Variants in HMGCS1 observed in about 807,000 individuals in gnomAD.
HMGCS1 encodes 3-hydroxy-3-methylglutaryl-CoA synthase 1.
HMGCS1 carries 9 observed loss-of-function variants against 52.3 expected under a neutral mutation model. That is an observed-to-expected ratio of 0.17 (90% CI 0.10 to 0.30). HMGCS1 has a LOEUF of 0.30. HMGCS1 is among the 10% of genes least tolerant of loss of function. HMGCS1 has a pLI of 1.00. For synonymous variants in HMGCS1, 176 were observed against 214.4 expected (o/e 0.82, Z 1.57); for missense variants, 320 against 620.9 (o/e 0.52, Z 5.15).
In HMGCS1 at chr5:43,294,845, C is replaced by T. The variant is rs781707708; in HGVS notation, c.922G>A (p.Asp308Asn). 13 of 1,604,126 alleles carry T rather than the reference C, an allele frequency of 8.1e-6. No homozygotes were observed. Among genetic ancestry groups the T allele is most frequent in the East Asian group, 6.7e-5 (3 of 44,672 alleles). ...LEAFGDVKLE[D>N]TYFDRDVEKA... is the part of the protein sequence containing the mutation. Reference sequence around the variant, plus strand: ...TCCACATCTCTATCAAAGTAGGTGTCTTCTAATTTAACATCCCTGAAAGAT... The same window carrying T: ...TCCACATCTCTATCAAAGTAGGTGTTTTCTAATTTAACATCCCTGAAAGAT... The change falls in exon 7 of 11, where the codon GAC becomes AAC. Residue 308 changes from aspartate to asparagine, a missense_variant. Coordinates refer to ENST00000325110, the MANE Select transcript of HMGCS1 (RefSeq NM_001098272.3).
chr5:43,291,054 AT>A lies in HMGCS1; in HGVS notation c.*76del, dbSNP rs1182349849. On this transcript the variant is annotated 3_prime_UTR_variant, in exon 11 of 11. Coordinates refer to ENST00000325110, the MANE Select transcript of HMGCS1 (RefSeq NM_001098272.3). ...TAATCCTTTAAAATTATCCCCAGATATCCCATTCCTCCAACTGTTCCCATAC... is the reference window on the plus strand; with the variant it reads ...TAATCCTTTAAAATTATCCCCAGATACCCATTCCTCCAACTGTTCCCATAC... The A allele has an allele frequency of 1.2e-6, 1 of 825,716 alleles. No homozygotes were observed. The highest frequency in any genetic ancestry group is 2.1e-6 in the Non-Finnish European group (1 of 473,274). The allele number at this position is 825,716 out of a possible 1,614,324, so 51.1% of individuals were successfully genotyped here.
chr5:43,308,897 C>T (rs531349447), intron 1 of HMGCS1, among the ~76,000 whole-genome samples: 1 of 152,116 alleles, frequency 6.6e-6, no homozygotes, highest in Non-Finnish European at 1.5e-5. Context: ...CCTACGCCCC[C>T]CTGCCCCATA....
At chr5:43,307,188 A>G (rs57091347) in intron 2 of HMGCS1, among the ~76,000 whole-genome samples, 4,460 of 150,548 alleles carry the variant, frequency 0.03, 238 homozygotes, top group African/African-American at 0.1. Flanking sequence ...CTCTTGCCTC[A>G]GCCTCCTGAG....
rs1753662715 is a variant in HMGCS1, at chr5:43,289,909, A to G, written c.*1222T>C. 1 of 117,162 alleles carries G rather than the reference A, an allele frequency of 8.5e-6. No homozygotes were observed. Among genetic ancestry groups the G allele is most frequent in the African/African-American group, 3.2e-5 (1 of 30,914 alleles). 7.3% of individuals were successfully genotyped at this position (117,162 alleles called of 1,614,324 possible). ...TTTTACAATCTATAAGGCTCATGTC[A>G]TAGTTCAGCACCAAAAAGATCTACA... On this transcript the variant is annotated 3_prime_UTR_variant, in exon 11 of 11. Coordinates refer to ENST00000325110, the MANE Select transcript of HMGCS1 (RefSeq NM_001098272.3).
At chr5:43,293,797 T>A in intron 8 of HMGCS1, 1 of 259,134 alleles carries the variant, frequency 3.9e-6, no homozygotes, top group Non-Finnish European at 7.5e-6. Context: ...CACCACAACC[T>A]CCCTCTCCTG....
chr5:43,296,926 T>C (rs957602940), intron 5 of HMGCS1, 76 bp downstream of exon 5: 2 of 1,051,054 alleles, frequency 1.9e-6, no homozygotes, highest in East Asian at 2.5e-5. Flanking sequence ...CACAAAGTAG[T>C]TGCCTACCAA....
rs1753633640 is a variant in HMGCS1 at position 43,289,383 on chromosome 5, T to C, written c.*1748A>G. 1 of 152,660 alleles carries C rather than the reference T, an allele frequency of 6.6e-6. No individual in the cohort carries two copies. Among genetic ancestry groups the C allele is most frequent in the South Asian group, 2.1e-4 (1 of 4,830 alleles). The allele number at this position is 152,660 out of a possible 1,614,324, so 9.5% of individuals were successfully genotyped here. A position where few individuals can be genotyped will look rare whatever the true frequency, so the allele number is the denominator to read the frequency against. On this transcript the variant is annotated 3_prime_UTR_variant, in exon 11 of 11. Transcript: ENST00000325110. The stretch of plus-strand genomic sequence containing the variant: ...TTGTTAGTTCAAGAGTGAAAAAGAA[T>C]ACTCAAGTATCTGAAACATTTCTCT...
At chr5:43,293,971 T>C (rs1753906911) in intron 8 of HMGCS1, 85 bp downstream of exon 8, 1 of 890,430 alleles carries the variant, frequency 1.1e-6, no homozygotes. Flanking sequence ...CGCCTCGGCC[T>C]CCCAAACTGC....
At chr5:43,295,030 A>C (rs1201388106) in intron 6 of HMGCS1, among the ~76,000 whole-genome samples, 169 bp from the exon 7 acceptor site, 1 of 152,214 alleles carries the variant, frequency 6.6e-6, no homozygotes, top group Non-Finnish European at 1.5e-5. Context: ...ACAGTTGTAT[A>C]TATATGGTTC....
chr5:43,299,424 C>T (rs976879503), intron 2 of HMGCS1, among the ~76,000 whole-genome samples: 1 of 150,788 alleles, frequency 6.6e-6, no homozygotes, highest in African/African-American at 2.4e-5. Context: ...CTGAGGCAGG[C>T]GGATCACAAG....
At chr5:43,312,792 C>G (rs1015902855) in intron 1 of HMGCS1, among the ~76,000 whole-genome samples, 1 of 152,182 alleles carries the variant, frequency 6.6e-6, no homozygotes. Flanking sequence ...GTCTAAATCA[C>G]GGTTGTGAAC....
intron 8 of HMGCS1, 92 bp from the exon 9 acceptor site, chr5:43,293,065 C>CAACT: frequency 9.5e-7 from 1 of 1,053,034 alleles, no homozygotes; most frequent in Non-Finnish European, 1.4e-6. Flanking sequence ...TGAGGCAAAA[C>CAACT]AACTTTTCAT....
Position 43,298,498 on chromosome 5 carries a change from G to C in HMGCS1, c.448+20C>G, listed in dbSNP as rs377052864. ...AGAAAAAAATTTTGGGGGACGGCGG[G>C]GAATAGGCATGTAACATACCATCCC... On this transcript the variant is annotated intron_variant, in intron 3 of 10. Transcript: ENST00000325110. The surrounding 1 kb of genome is among the most constrained non-coding windows in gnomAD (Gnocchi z 5.6). 1.7e-5 allele frequency: 27 copies of C among 1,583,870 alleles called. No individual in the cohort carries two copies. The highest frequency in any genetic ancestry group is 2.1e-5 in the Non-Finnish European group (24 of 1,161,698).
chr5:43,312,460 A>G (rs1441228097), intron 1 of HMGCS1, among the ~76,000 whole-genome samples: 1 of 152,218 alleles, frequency 6.6e-6, no homozygotes, highest in Non-Finnish European at 1.5e-5. Flanking sequence ...TCCCTCCTCC[A>G]GAGTGGATCA....
chr5:43,301,096 C>T (rs1754294976), intron 2 of HMGCS1, among the ~76,000 whole-genome samples: 1 of 152,046 alleles, frequency 6.6e-6, no homozygotes, highest in Non-Finnish European at 1.5e-5. Flanking sequence ...GAAAAGCATC[C>T]TGGTTATAGG....
intron 2 of HMGCS1, among the ~76,000 whole-genome samples, chr5:43,305,154 T>C (rs1371291077): frequency 6.6e-6 from 1 of 151,938 alleles, no homozygotes; most frequent in African/African-American, 2.4e-5. Context: ...ACCCAGCTGA[T>C]TTTGTATTTT....
At chr5:43,307,248 T>C (rs1371341220) in intron 2 of HMGCS1, among the ~76,000 whole-genome samples, 1 of 152,014 alleles carries the variant, frequency 6.6e-6, no homozygotes, top group African/African-American at 2.4e-5. Context: ...TTTTTTTGTA[T>C]TTTTAGTAGA....
At chr5:43,305,491 C>T (rs1275484938) in intron 2 of HMGCS1, among the ~76,000 whole-genome samples, 5 of 151,490 alleles carry the variant, frequency 3.3e-5, no homozygotes, top group Non-Finnish European at 4.4e-5. Flanking sequence ...ATAAAGAGGC[C>T]GGGTGTGATG....
Position 43,298,801 on chromosome 5 carries a change from C to T in HMGCS1, c.165G>A (p.Lys55=). The change falls in exon 3 of 11, where the codon AAG becomes AAA. Residue 55 remains lysine, a synonymous_variant. Coordinates refer to ENST00000325110, the MANE Select transcript of HMGCS1 (RefSeq NM_001098272.3). The surrounding 1 kb of genome is among the most constrained non-coding windows in gnomAD (Gnocchi z 5.6). ...GKYTIGLGQA[K]MGFCTDREDI... ...CTTCTCTATCTGTGCAGAAGCCCAT[C>T]TTGGCCTGGCCCAAGCCAATGGTAT... 6.2e-7 allele frequency: 1 copy of T among 1,614,242 alleles called. No individual in the cohort carries two copies.
Sources: gnomAD v4.1 joint callset for allele counts (sites outside exome capture counted in the v4.1 genomes callset) on GRCh38, gnomAD v4.1.1 for gene constraint, Gnocchi (gnomAD v3.1) non-coding constraint, MANE v1.5 for transcripts, NCBI Gene and HGNC (gene_info 2026-07-23, HGNC 2026-07-21) for gene names.